Variants in TENM4 observed in about 807,000 individuals in gnomAD.
TENM4 encodes teneurin transmembrane protein 4.
A neutral mutation model predicts 243.3 loss-of-function variants in TENM4; 82 were observed. The ratio of observed to expected loss-of-function variants is 0.34; its 90% confidence interval spans 0.28 to 0.40. TENM4 has a LOEUF of 0.40. TENM4 is among the 10% of genes least tolerant of loss of function. TENM4 has a pLI of 1.00. For synonymous variants in TENM4, 1,412 were observed against 1,456.3 expected (o/e 0.97, Z 0.69); for missense variants, 3,138 against 3,673.3 (o/e 0.85, Z 3.77).
At chr11:78,879,122 C>T (rs146796492) in intron 9 of TENM4, among the ~76,000 whole-genome samples, 290 of 151,420 alleles carry the variant, frequency 1.9e-3, no homozygotes, top group African/African-American at 6.5e-3. Context: ...CTGGCCACCC[C>T]ATCTGGGAAG....
chr11:79,043,984 A>T (rs1340958213), intron 6 of TENM4, among the ~76,000 whole-genome samples: 1 of 152,148 alleles, frequency 6.6e-6, no homozygotes, highest in Non-Finnish European at 1.5e-5. Context: ...TTTTGCACTA[A>T]GCCATAATCC....
intron 2 of TENM4, among the ~76,000 whole-genome samples, chr11:79,282,337 C>T (rs979865945): frequency 3.3e-5 from 5 of 152,182 alleles, no homozygotes; most frequent in East Asian, 1.9e-4. Context: ...CTGTGTGACC[C>T]GATACTCCAG....
At chr11:79,135,513 G>A (rs191010675) in intron 4 of TENM4, among the ~76,000 whole-genome samples, 1 of 151,866 alleles carries the variant, frequency 6.6e-6, no homozygotes, top group African/African-American at 2.4e-5. Context: ...TCTACCCAGA[G>A]GAAAATAAGT....
intron 1 of TENM4, among the ~76,000 whole-genome samples, chr11:79,353,711 G>A (rs1857451919): frequency 6.7e-6 from 1 of 149,560 alleles, no homozygotes; most frequent in Non-Finnish European, 1.5e-5. Context: ...ATATACTCAT[G>A]ATCAACCAGC....
At chr11:78,765,653 A>T (rs191594011) in intron 18 of TENM4, among the ~76,000 whole-genome samples, 30 of 152,346 alleles carry the variant, frequency 2.0e-4, no homozygotes, top group African/African-American at 7.2e-4. Context: ...CATAGGTTCC[A>T]ATCTAATCCT....
At chr11:79,126,100 A>T (rs1279050167) in intron 4 of TENM4, among the ~76,000 whole-genome samples, 1 of 152,174 alleles carries the variant, frequency 6.6e-6, no homozygotes. Context: ...AAAGGTTCTA[A>T]TAGTTTATTT....
chr11:78,940,023 A>G (rs683516), intron 6 of TENM4, among the ~76,000 whole-genome samples: 78,668 of 152,002 alleles, frequency 0.52, 24,047 homozygotes, highest in East Asian at 0.79. Flanking sequence ...AAAATGTATA[A>G]AAGAAAAAAG....
chr11:78,702,072 T>C lies in TENM4; in HGVS notation c.4541A>G (p.Asp1514Gly). Residue 1514 changes from aspartate (D) to glycine (G), a missense_variant, in exon 28 of 34, where the codon GAC (aspartate) becomes GGC (glycine). By Grantham distance (94) the Asp-to-Gly change is moderately conservative (BLOSUM62 -1). Around this residue, in one of 2 missense-constraint regions of TENM4, gnomAD observed 2,467 missense variants for 3,059.1 expected, o/e 0.81. Coordinates refer to ENST00000278550, the MANE Select transcript of TENM4 (RefSeq NM_001098816.3). ...SLVAGAPSGC[D>G]CKNDANCDCF... ...ATCACAGTTGGCATCATTTTTACAG[T>C]CACAGCCACTGGGGGCCCCAGCAAC... 1 of 1,613,792 alleles carries C rather than the reference T, an allele frequency of 6.2e-7. No homozygotes were observed. Among genetic ancestry groups the C allele is most frequent in the South Asian group, 1.1e-5 (1 of 91,046 alleles).
rs145603724 is a variant in TENM4 at position 79,134,319 on chromosome 11, A to G, written c.-66+14391T>C. ...TCAAAAGATCTCTACAAGGAAAACT[A>G]CACAACACTGCTGAAAGAAATCATA... is the stretch of plus-strand genomic sequence containing the variant. On this transcript the variant is annotated intron_variant, in intron 4 of 33. Transcript: ENST00000278550. 5.1e-3 allele frequency among the ~76,000 whole-genome samples: 775 copies of G among 152,280 alleles called. 8 individuals are homozygous for G. Among genetic ancestry groups the G allele is most frequent in the African/African-American group, 0.018 (742 of 41,566 alleles).
At chr11:78,754,131 T>C (rs929046689) in intron 19 of TENM4, among the ~76,000 whole-genome samples, 39 of 152,232 alleles carry the variant, frequency 2.6e-4, no homozygotes, top group African/African-American at 8.9e-4. Flanking sequence ...CCTGGAGGAC[T>C]TGGTTTACAG....
intron 4 of TENM4, among the ~76,000 whole-genome samples, chr11:79,147,575 C>T (rs955988495): frequency 9.2e-5 from 14 of 152,172 alleles, no homozygotes; most frequent in African/African-American, 2.9e-4. Context: ...CCGTTCTTTT[C>T]TCTCCTTATG....
rs376757991 is a variant in TENM4, at chr11:79,033,845, A to C, written c.493+30893T>G. On this transcript the variant is annotated intron_variant, in intron 6 of 33. Transcript: ENST00000278550. ...GTGATTTATTTGGAGGGTCCTAAAA[A>C]GATACAAATAAACTACATTTTGCTA... 8.7e-4 allele frequency among the ~76,000 whole-genome samples: 132 copies of C among 152,368 alleles called. 1 individual carries two copies. In the Middle Eastern group the frequency reaches 0.014, roughly 16 times the overall value.
chr11:78,863,570 C>T (rs2136224866), intron 9 of TENM4, among the ~76,000 whole-genome samples: 1 of 152,048 alleles, frequency 6.6e-6, no homozygotes, highest in Non-Finnish European at 1.5e-5. Context: ...TACAAATAGC[C>T]CATAATCATA....
chr11:79,167,171 C>T (rs191850550), intron 3 of TENM4, among the ~76,000 whole-genome samples: 1 of 152,350 alleles, frequency 6.6e-6, no homozygotes, highest in African/African-American at 2.4e-5. Context: ...CATTTGAACT[C>T]TTCCATACTT....
intron 4 of TENM4, among the ~76,000 whole-genome samples, chr11:79,142,734 A>G (rs111965428): frequency 6.6e-6 from 1 of 152,186 alleles, no homozygotes; most frequent in East Asian, 1.9e-4. Flanking sequence ...TTCAAATTAT[A>G]CTACAGAGCT....
chr11:78,772,472 T>C (rs565452628), intron 17 of TENM4, among the ~76,000 whole-genome samples: 10 of 152,332 alleles, frequency 6.6e-5, no homozygotes, highest in African/African-American at 2.4e-4. Context: ...GTGTCAGCTA[T>C]AAAGCTTCAT....
chr11:79,216,035 G>C (rs913635657), intron 2 of TENM4, 126 bp from the exon 3 acceptor site: 8 of 200,056 alleles, frequency 4.0e-5, no homozygotes, highest in Admixed American at 1.3e-4. Flanking sequence ...CTTGTTCCTG[G>C]TCCCACAGCA....
chr11:78,753,528 A>T (rs1856238566), intron 19 of TENM4, among the ~76,000 whole-genome samples: 2 of 152,328 alleles, frequency 1.3e-5, no homozygotes, highest in South Asian at 4.1e-4. Flanking sequence ...AATACCAAGT[A>T]GTTAGTCTAA....
At chr11:78,913,598 TGTGTGTG>T (rs1856244899) in intron 6 of TENM4, among the ~76,000 whole-genome samples, 8 of 145,318 alleles carry the variant, frequency 5.5e-5, no homozygotes, top group Non-Finnish European at 1.2e-4. Flanking sequence ...TGTGTGTGTG[TGTGTGTG>T]TGTGTGTGTG....
Sources: gnomAD v4.1 joint callset for allele counts (sites outside exome capture counted in the v4.1 genomes callset) on GRCh38, gnomAD v4.1.1 for gene constraint, gnomAD v4.1.1 regional missense constraint, MANE v1.5 for transcripts, NCBI Gene and HGNC (gene_info 2026-07-23, HGNC 2026-07-21) for gene names.